Variants in ZNF107 observed in about 807,000 individuals in gnomAD.
The protein encoded by ZNF107 is zinc finger protein 107.
ZNF107 carries 19 observed loss-of-function variants against 12.3 expected under a neutral mutation model. The ratio of observed to expected loss-of-function variants is 1.55; its 90% confidence interval spans 1.08 to 2.27. The LOEUF is 2.27. Among genes scored for constraint, ZNF107 ranks in the 30% most tolerant of loss-of-function variants. The probability of loss-of-function intolerance (pLI) is 0.00; values close to 1 mark genes in which losing one functional copy is unlikely to be tolerated. For synonymous variants in ZNF107, 317 were observed against 330.5 expected (o/e 0.96, Z 0.44); for missense variants, 958 against 979.9 (o/e 0.98, Z 0.30).
intron 1 of ZNF107, among the ~76,000 whole-genome samples, chr7:64,666,586 G>T (rs764258874): frequency 6.6e-6 from 1 of 152,210 alleles, no homozygotes; most frequent in Non-Finnish European, 1.5e-5. Flanking sequence ...CCCGCAGCGC[G>T]GCATCTCTCC....
chr7:64,703,781 T>C (rs2128967429), intron 3 of ZNF107, among the ~76,000 whole-genome samples: 1 of 152,210 alleles, frequency 6.6e-6, no homozygotes, highest in South Asian at 2.1e-4. Context: ...ATTATATATA[T>C]ATTTAAATAA....
In ZNF107 at chr7:64,707,253, GC is replaced by G; in HGVS notation, c.1157del (p.Ala386AspfsTer6). 1 of 1,610,260 alleles carries G rather than the reference GC, an allele frequency of 6.2e-7. No individual in the cohort carries two copies. Reference sequence around the variant, plus strand: ...TTTTAACCGATCCTTAAAACTTACTGCACATAAGAAAATTCTAATGGAAGAG... The same window carrying G: ...TTTTAACCGATCCTTAAAACTTACTGACATAAGAAAATTCTAATGGAAGAG... Reference protein sequence around the residue: ...KAFNRSLKLTAHKKILMEEKP... With the variant: ...KAFNRSLKLTXHKKILMEEKP... On this transcript the variant is annotated frameshift_variant, in exon 4 of 4. Coordinates refer to ENST00000620827, the MANE Select transcript of ZNF107 (RefSeq NM_001282359.2). LOFTEE classifies it low-confidence loss of function (END_TRUNC).
Position 64,707,004 on chromosome 7 carries a change from C to T in ZNF107, c.907C>T (p.Gln303Ter). The change falls in exon 4 of 4, where the codon CAA (glutamine) becomes TAA (stop). Residue 303 changes from glutamine to a stop codon, truncating the protein, a stop_gained. Transcript: ENST00000620827. LOFTEE classifies it low-confidence loss of function (END_TRUNC). ...TAGCCAGTCCTCACACCTTACTACA[C>T]AAAAGATACTTCACACTGGAGAGAA... ...VFSQSSHLTT[Q>*]KILHTGENLY... 4 of 1,613,474 alleles carry T rather than the reference C, an allele frequency of 2.5e-6. No homozygotes were observed. Among genetic ancestry groups the T allele is most frequent in the Non-Finnish European group, 1.7e-6 (2 of 1,179,766 alleles).
chr7:64,686,441 C>T, intron 1 of ZNF107: 2 of 889,294 alleles, frequency 2.2e-6, no homozygotes, highest in Non-Finnish European at 2.7e-6. Flanking sequence ...TCAATGTCAC[C>T]CCCACCCCAA....
intron 3 of ZNF107, among the ~76,000 whole-genome samples, chr7:64,697,086 C>T (rs1349556614): frequency 2.0e-5 from 3 of 150,340 alleles, no homozygotes; most frequent in East Asian, 2.0e-4. Flanking sequence ...TTTGTCCTTG[C>T]GATAGTTTGC....
chr7:64,703,686 C>T (rs1348022380), intron 3 of ZNF107, among the ~76,000 whole-genome samples: 1 of 152,108 alleles, frequency 6.6e-6, no homozygotes, highest in Non-Finnish European at 1.5e-5. Flanking sequence ...GCCTCAGCCT[C>T]GCAAAGTGCT....
chr7:64,668,626 A>T lies in ZNF107; in HGVS notation c.3+2341A>T, dbSNP rs538462157. On this transcript the variant is annotated intron_variant, in intron 1 of 3. Transcript: ENST00000620827. ...AAAGTTAAGAAAATATTTACAGAGC[A>T]TAAAAGAGGTGAGTTTCAGAGAAAA... Among the ~76,000 whole-genome samples the T allele has an allele frequency of 8.5e-5, 13 of 152,332 alleles. No homozygotes were observed. The East Asian group carries it at 1.9e-3, about 23-fold the overall frequency.
At chr7:64,702,382 G>A (rs113699117) in intron 3 of ZNF107, among the ~76,000 whole-genome samples, 7,137 of 152,034 alleles carry the variant, frequency 0.047, 448 homozygotes, top group African/African-American at 0.14. Context: ...TGATCCACCC[G>A]CCTCAACCTC....
intron 1 of ZNF107, among the ~76,000 whole-genome samples, chr7:64,667,549 G>C (rs148896714): frequency 6.6e-6 from 1 of 152,144 alleles, no homozygotes. Context: ...GCCACCTTTC[G>C]GTTTTCTCCT....
At chr7:64,688,739 A>C (rs764922066) in intron 1 of ZNF107, among the ~76,000 whole-genome samples, 18 of 152,238 alleles carry the variant, frequency 1.2e-4, no homozygotes, top group Admixed American at 3.9e-4. Flanking sequence ...AGACATTAAA[A>C]TAATACCACA....
chr7:64,706,936 C>T lies in ZNF107; in HGVS notation c.839C>T (p.Thr280Ile). 2 of 1,612,510 alleles carry T rather than the reference C, an allele frequency of 1.2e-6. No individual in the cohort carries two copies. The highest frequency in any genetic ancestry group is 1.7e-5 in the Admixed American group (1 of 59,782). ...CTTACTATACATAAAATAATTCATACTGGAGAAAAACCTTACAAATATGAA... is the reference window on the plus strand; with the variant it reads ...CTTACTATACATAAAATAATTCATATTGGAGAAAAACCTTACAAATATGAA... ...SHLTIHKIIHTGEKPYKYEEC... is the reference protein window; with the variant it reads ...SHLTIHKIIHIGEKPYKYEEC... The change falls in exon 4 of 4, where the codon ACT (threonine) becomes ATT (isoleucine). Residue 280 changes from threonine to isoleucine, a missense_variant. Transcript: ENST00000620827.
intron 1 of ZNF107, among the ~76,000 whole-genome samples, chr7:64,678,168 A>T (rs2128957827): frequency 6.6e-6 from 1 of 152,274 alleles, no homozygotes; most frequent in Non-Finnish European, 1.5e-5. Context: ...AATTTTTTAA[A>T]ATTTTTTAAT....
intron 1 of ZNF107, 46 bp downstream of exon 1, chr7:64,666,331 T>G: frequency 6.2e-7 from 1 of 1,602,054 alleles, no homozygotes; most frequent in Non-Finnish European, 8.5e-7. Flanking sequence ...GAGGGGCTGG[T>G]TGGAACCGAT....
rs376350739 is a variant in ZNF107, at chr7:64,707,288, C to T, written c.1191C>T (p.Tyr397=). The change falls in exon 4 of 4, where the codon TAC becomes TAT. Residue 397 remains tyrosine, a synonymous_variant. Coordinates refer to ENST00000620827, the MANE Select transcript of ZNF107 (RefSeq NM_001282359.2). ...AAATTCTAATGGAAGAGAAACCCTA[C>T]AAATGTGAAGAATGTGGCAAAGTCT... The part of the protein sequence containing the change: ...HKKILMEEKP[Y]KCEECGKVFN... The T allele has an allele frequency of 1.7e-4, 271 of 1,613,232 alleles. No individual in the cohort carries two copies. Among genetic ancestry groups the T allele is most frequent in the Non-Finnish European group, 2.2e-4 (262 of 1,179,728 alleles).
intron 1 of ZNF107, chr7:64,679,197 T>G (rs1186580528): frequency 2.0e-6 from 2 of 984,746 alleles, no homozygotes; most frequent in Non-Finnish European, 1.2e-6. Context: ...AACACACATT[T>G]GATGCTGAAA....
chr7:64,683,947 T>A (rs887949844), intron 1 of ZNF107, among the ~76,000 whole-genome samples: 36 of 152,180 alleles, frequency 2.4e-4, no homozygotes, highest in African/African-American at 8.7e-4. Context: ...TTCTAACAGA[T>A]ATTGTTACCT....
At position 64,709,033 on chromosome 7, in the gene ZNF107, G is replaced by T; in HGVS notation, c.*377G>T. 2.2e-6 allele frequency: 1 copy of T among 448,016 alleles called. No homozygotes were observed. The allele number at this position is 448,016 out of a possible 1,614,324, so 27.8% of individuals were successfully genotyped here. A position where few individuals can be genotyped will look rare whatever the true frequency, so the allele number is the denominator to read the frequency against. ...TCTACACATAAGATAATTTATACTG[G>T]AGAGGAACTCTATAGTTGTGAAGAA... On this transcript the variant is annotated 3_prime_UTR_variant, in exon 4 of 4. Coordinates refer to ENST00000620827, the MANE Select transcript of ZNF107 (RefSeq NM_001282359.2).
At chr7:64,697,325 A>G (rs942998877) in intron 3 of ZNF107, among the ~76,000 whole-genome samples, 2 of 152,192 alleles carry the variant, frequency 1.3e-5, no homozygotes, top group Non-Finnish European at 2.9e-5. Flanking sequence ...TCCTTTGGGT[A>G]TATACCCAGT....
chr7:64,666,392 TCTC>T, intron 1 of ZNF107, 107 bp downstream of exon 1: 1 of 1,470,324 alleles, frequency 6.8e-7, no homozygotes, highest in East Asian at 2.4e-5. Flanking sequence ...GGCCCCAAGT[TCTC>T]CTTGGCGCAG....
Sources: allele counts gnomAD v4.1 joint callset (sites outside exome capture counted in the v4.1 genomes callset), GRCh38; gene constraint gnomAD v4.1.1; transcripts MANE v1.5; gene names NCBI Gene and HGNC (gene_info 2026-07-23, HGNC 2026-07-21).